The following PLXDC2 variants were observed in gnomAD, a reference collection of about 807,000 sequenced individuals.
The protein encoded by PLXDC2 is plexin domain-containing protein 2.
PLXDC2 carries 40 observed loss-of-function variants against 68.9 expected under a neutral mutation model. The ratio of observed to expected loss-of-function variants is 0.58; its 90% CI spans 0.45 to 0.76. The LOEUF (loss-of-function observed/expected upper bound fraction) is 0.76. Ranked by LOEUF, PLXDC2 falls within the 30% of genes least tolerant of loss-of-function variation. PLXDC2 has a pLI of 0.00. For missense variants in PLXDC2, 644 were observed against 661.9 expected (o/e 0.97, Z 0.30); for synonymous variants, 243 against 234.2 (o/e 1.04, Z -0.34).
At chr10:20,008,052 A>T (rs568288683) in intron 2 of PLXDC2, among the ~76,000 whole-genome samples, 2 of 152,070 alleles carry the variant, frequency 1.3e-5, no homozygotes, top group African/African-American at 2.4e-5. Flanking sequence ...ATTCCTAAAA[A>T]CTCTCTTTGA....
At chr10:20,214,565 T>A (rs1455190007) in intron 10 of PLXDC2, among the ~76,000 whole-genome samples, 1 of 152,254 alleles carries the variant, frequency 6.6e-6, no homozygotes, top group Non-Finnish European at 1.5e-5. Flanking sequence ...ACTGTCTTTA[T>A]AGCACATAGC....
At chr10:20,109,545 G>A (rs938773773) in intron 4 of PLXDC2, among the ~76,000 whole-genome samples, 16 of 152,022 alleles carry the variant, frequency 1.1e-4, no homozygotes, top group African/African-American at 3.9e-4. Context: ...AGGACATTCT[G>A]CTCCAGTGTT....
intron 7 of PLXDC2, among the ~76,000 whole-genome samples, chr10:20,170,336 G>A (rs1319421749): frequency 1.3e-5 from 2 of 152,080 alleles, no homozygotes; most frequent in African/African-American, 4.8e-5. Context: ...GATTACAGGT[G>A]CATCCACCAC....
At chr10:20,005,295 C>G (rs1160811298) in intron 2 of PLXDC2, among the ~76,000 whole-genome samples, 1 of 152,054 alleles carries the variant, frequency 6.6e-6, no homozygotes, top group Non-Finnish European at 1.5e-5. Flanking sequence ...TGTTTTGAAT[C>G]CAGGGTTGCA....
intron 1 of PLXDC2, among the ~76,000 whole-genome samples, chr10:19,830,289 A>T (rs1339726169): frequency 1.3e-5 from 2 of 152,244 alleles, no homozygotes; most frequent in Non-Finnish European, 2.9e-5. Context: ...ACAATCTCTT[A>T]GTACCACACT....
At chr10:20,128,772 A>G (rs769411558) in intron 4 of PLXDC2, among the ~76,000 whole-genome samples, 1 of 152,152 alleles carries the variant, frequency 6.6e-6, no homozygotes, top group Non-Finnish European at 1.5e-5. Context: ...ATTGCACATA[A>G]CATAATTTCT....
intron 1 of PLXDC2, among the ~76,000 whole-genome samples, chr10:19,897,559 G>T (rs1838081741): frequency 6.6e-6 from 1 of 152,096 alleles, no homozygotes. Context: ...CCCTTCTTTA[G>T]TCAAGAGGGA....
At chr10:20,145,545 C>CT (rs1001139904) in intron 5 of PLXDC2, among the ~76,000 whole-genome samples, 9 of 151,768 alleles carry the variant, frequency 5.9e-5, no homozygotes, top group African/African-American at 9.7e-5. Flanking sequence ...AAACAGTACA[C>CT]TTTTTTTTGT....
chr10:20,243,813 C>A (rs999882635), intron 12 of PLXDC2, among the ~76,000 whole-genome samples: 6 of 152,152 alleles, frequency 3.9e-5, no homozygotes, highest in Non-Finnish European at 7.3e-5. Flanking sequence ...AATCCCAGTA[C>A]TTTGGGAGGC....
At chr10:20,228,481 G>A (rs1835315179) in intron 12 of PLXDC2, among the ~76,000 whole-genome samples, 1 of 152,062 alleles carries the variant, frequency 6.6e-6, no homozygotes, top group African/African-American at 2.4e-5. Context: ...AGGATTGCTT[G>A]AGACTGGGAG....
At chr10:19,920,182 G>A (rs571420033) in intron 1 of PLXDC2, among the ~76,000 whole-genome samples, 1 of 152,164 alleles carries the variant, frequency 6.6e-6, no homozygotes, top group Non-Finnish European at 1.5e-5. Flanking sequence ...GGCAGTGCTG[G>A]GAAGGGAAGA....
intron 12 of PLXDC2, among the ~76,000 whole-genome samples, chr10:20,219,577 G>A (rs1032543296): frequency 2.0e-5 from 3 of 152,104 alleles, no homozygotes; most frequent in Non-Finnish European, 4.4e-5. Flanking sequence ...AGAATATCTT[G>A]TTGGTAACAT....
intron 4 of PLXDC2, among the ~76,000 whole-genome samples, chr10:20,114,034 G>T (rs1469289835): frequency 6.6e-6 from 1 of 152,166 alleles, no homozygotes; most frequent in East Asian, 1.9e-4. Context: ...TGAGGCAGGG[G>T]GATTGCTAGA....
At chr10:20,072,812 A>C (rs1351337222) in intron 4 of PLXDC2, among the ~76,000 whole-genome samples, 1 of 152,220 alleles carries the variant, frequency 6.6e-6, no homozygotes, top group African/African-American at 2.4e-5. Flanking sequence ...AAAGACTTCC[A>C]GACAAAAGGA....
At chr10:20,065,946 G>A (rs991767104) in intron 3 of PLXDC2, among the ~76,000 whole-genome samples, 13 of 152,212 alleles carry the variant, frequency 8.5e-5, no homozygotes, top group African/African-American at 2.7e-4. Flanking sequence ...TTGAGGCCCC[G>A]GCTTAGAGAA....
chr10:20,223,244 A>G (rs1835239123), intron 12 of PLXDC2, among the ~76,000 whole-genome samples: 1 of 151,838 alleles, frequency 6.6e-6, no homozygotes, highest in Non-Finnish European at 1.5e-5. Context: ...ATGTGAATCT[A>G]TTTAGCCTTG....
At chr10:20,105,335 A>G (rs1318062545) in intron 4 of PLXDC2, among the ~76,000 whole-genome samples, 1 of 152,208 alleles carries the variant, frequency 6.6e-6, no homozygotes, top group Non-Finnish European at 1.5e-5. Context: ...ACAATGTACA[A>G]TGTCATTTCC....
intron 1 of PLXDC2, among the ~76,000 whole-genome samples, chr10:19,851,993 A>G (rs971911961): frequency 6.6e-6 from 1 of 152,248 alleles, no homozygotes; most frequent in African/African-American, 2.4e-5. Flanking sequence ...ATCAGGCCAC[A>G]GAAAGGTAAT....
intron 1 of PLXDC2, among the ~76,000 whole-genome samples, chr10:19,866,309 G>A (rs1044165554): frequency 1.1e-4 from 16 of 152,162 alleles, no homozygotes; most frequent in Non-Finnish European, 2.2e-4. Flanking sequence ...GAAAGAATTT[G>A]TTTCCTTCCC....
Sources: allele counts gnomAD v4.1 joint callset (sites outside exome capture counted in the v4.1 genomes callset), GRCh38; gene constraint gnomAD v4.1.1; transcripts MANE v1.5; gene names NCBI Gene and HGNC (gene_info 2026-07-23, HGNC 2026-07-21).